Variants in NDUFS4 observed in about 807,000 individuals in gnomAD.
NDUFS4 encodes the protein NADH:ubiquinone oxidoreductase subunit S4.
A neutral mutation model predicts 24.3 loss-of-function variants in NDUFS4; 28 were observed. That is an observed-to-expected ratio of 1.15 (90% CI 0.85 to 1.58). The LOEUF (loss-of-function observed/expected upper bound fraction) is 1.58, where lower values mean the gene tolerates loss of function less well. Ranked by LOEUF, NDUFS4 falls within the 40% of genes most tolerant of loss-of-function variation. The probability of loss-of-function intolerance (pLI) is 0.00; values close to 1 mark genes in which losing one functional copy is unlikely to be tolerated. For missense variants in NDUFS4, 223 were observed against 207.9 expected, an observed-to-expected ratio of 1.07 and a Z score of -0.45; for synonymous variants, 93 against 69.7, an observed-to-expected ratio of 1.34 and a Z score of -1.67.
At chr5:53,579,071 T>C (rs1749474452) in intron 1 of NDUFS4, among the ~76,000 whole-genome samples, 1 of 152,206 alleles carries the variant, frequency 6.6e-6, no homozygotes, top group African/African-American at 2.4e-5. Flanking sequence ...AATATTTTCT[T>C]CTCAGTCCTT....
chr5:53,610,309 C>A (rs1284531483), intron 2 of NDUFS4, among the ~76,000 whole-genome samples: 1 of 152,076 alleles, frequency 6.6e-6, no homozygotes, highest in Non-Finnish European at 1.5e-5. Flanking sequence ...ACACACACAA[C>A]CTTTATTAAT....
chr5:53,669,173 A>T (rs1038090012), intron 4 of NDUFS4, among the ~76,000 whole-genome samples: 1 of 152,176 alleles, frequency 6.6e-6, no homozygotes, highest in Admixed American at 6.5e-5. Context: ...ACTGTTACGT[A>T]TACTGCCTCA....
At chr5:53,620,514 A>G (rs996143362) in intron 2 of NDUFS4, among the ~76,000 whole-genome samples, 1 of 152,192 alleles carries the variant, frequency 6.6e-6, no homozygotes, top group Non-Finnish European at 1.5e-5. Context: ...ATACTAGGCC[A>G]ATGCATAGCA....
At chr5:53,619,921 G>C (rs1042208591) in intron 2 of NDUFS4, among the ~76,000 whole-genome samples, 1 of 152,080 alleles carries the variant, frequency 6.6e-6, no homozygotes, top group Non-Finnish European at 1.5e-5. Flanking sequence ...TATACGCAAT[G>C]CTAGAATGAA....
At chr5:53,612,140 A>G (rs1750716106) in intron 2 of NDUFS4, among the ~76,000 whole-genome samples, 2 of 152,102 alleles carry the variant, frequency 1.3e-5, no homozygotes, top group South Asian at 4.1e-4. Context: ...TAGTTTAGAC[A>G]TTACATATAT....
At chr5:53,574,574 G>C (rs1341010073) in intron 1 of NDUFS4, among the ~76,000 whole-genome samples, 1 of 152,070 alleles carries the variant, frequency 6.6e-6, no homozygotes, top group Non-Finnish European at 1.5e-5. Flanking sequence ...GGTAATGCTG[G>C]ACTCATAAAA....
chr5:53,580,256 G>A (rs1201680288), intron 1 of NDUFS4, among the ~76,000 whole-genome samples: 3 of 152,008 alleles, frequency 2.0e-5, no homozygotes, highest in Non-Finnish European at 2.9e-5. Context: ...ACTACAAATG[G>A]GTAGAGAATT....
At chr5:53,682,589 A>G (rs1740702680) in intron 4 of NDUFS4, among the ~76,000 whole-genome samples, 1 of 152,098 alleles carries the variant, frequency 6.6e-6, no homozygotes, top group African/African-American at 2.4e-5. Context: ...GTCCAAGTCC[A>G]GGGGATTGAA....
intron 4 of NDUFS4, among the ~76,000 whole-genome samples, chr5:53,663,083 A>G (rs997608002): frequency 1.3e-5 from 2 of 151,998 alleles, no homozygotes; most frequent in Non-Finnish European, 1.5e-5. Context: ...TTATGTACCC[A>G]GTAGTCATTC....
intron 3 of NDUFS4, among the ~76,000 whole-genome samples, chr5:53,648,040 T>C (rs1478459839): frequency 6.6e-6 from 1 of 152,196 alleles, no homozygotes; most frequent in South Asian, 2.1e-4. Flanking sequence ...GTTATAAGAT[T>C]AGTTATAATT....
chr5:53,562,996 G>A (rs1280462993), intron 1 of NDUFS4, among the ~76,000 whole-genome samples: 1 of 152,018 alleles, frequency 6.6e-6, no homozygotes, highest in Non-Finnish European at 1.5e-5. Flanking sequence ...TTGGGAGGCC[G>A]AGGCGGGCAG....
Position 53,567,731 on chromosome 5 carries a change from AC to A in NDUFS4, c.98+6975del, listed in dbSNP as rs1349028640. ...TCTGCTTCCCTTTAGCAGTTTTAGC[AC>A]CCCTTTTTCATTTATTATGGATTTG... On this transcript the variant is annotated intron_variant, in intron 1 of 4. Coordinates refer to ENST00000296684, the MANE Select transcript of NDUFS4 (RefSeq NM_002495.4). Among the ~76,000 whole-genome samples the A allele has an allele frequency of 2.0e-5, 3 of 152,136 alleles. No homozygotes were observed. In the East Asian group the frequency reaches 5.8e-4, roughly 29 times the overall value.
intron 2 of NDUFS4, 148 bp from the exon 3 acceptor site, chr5:53,646,085 A>G (rs1273748546): frequency 3.0e-6 from 2 of 667,776 alleles, no homozygotes; most frequent in Non-Finnish European, 2.6e-6. Context: ...ATTGTAAAGT[A>G]TCAGAATGGT....
intron 4 of NDUFS4, among the ~76,000 whole-genome samples, chr5:53,674,517 TAGAAG>T (rs1000768094): frequency 6.6e-6 from 1 of 152,124 alleles, no homozygotes; most frequent in Non-Finnish European, 1.5e-5. Context: ...CTGTCTTACT[TAGAAG>T]AGATCTAGGG....
chr5:53,575,126 A>G (rs1258525430), intron 1 of NDUFS4, among the ~76,000 whole-genome samples: 1 of 152,174 alleles, frequency 6.6e-6, no homozygotes, highest in African/African-American at 2.4e-5. Context: ...TTCTCTGAGC[A>G]CTTGTTTCTT....
chr5:53,654,529 A>T (rs566161158), intron 3 of NDUFS4, among the ~76,000 whole-genome samples: 1 of 152,020 alleles, frequency 6.6e-6, no homozygotes, highest in East Asian at 1.9e-4. Flanking sequence ...AATATTACAT[A>T]TTTTTTCTCT....
Position 53,615,293 on chromosome 5 carries a change from T to C in NDUFS4, c.177+11763T>C, listed in dbSNP as rs963834793. 3.9e-5 allele frequency among the ~76,000 whole-genome samples: 6 copies of C among 151,988 alleles called. No homozygotes were observed. In the South Asian group the frequency reaches 1.2e-3, roughly 31 times the overall value. On this transcript the variant is annotated intron_variant, in intron 2 of 4. Coordinates refer to ENST00000296684, the MANE Select transcript of NDUFS4 (RefSeq NM_002495.4). ...CTGCCATTTTGTAGTAAGTTCTCAA[T>C]GAAGGTAGGGTGAGAGGAGGTAAAG...
At position 53,599,590 on chromosome 5, in the gene NDUFS4, A is replaced by C. The variant is rs114699882; in HGVS notation, c.99-3862A>C. Among the ~76,000 whole-genome samples the C allele has an allele frequency of 9.3e-3, 1,415 of 152,076 alleles. 24 individuals are homozygous for C. Among genetic ancestry groups the C allele is most frequent in the African/African-American group, 0.032 (1,326 of 41,488 alleles). ...TATTTAGGTGTTTTCCCCATTTCTA[A>C]TTGGGTTGTTTTGTTGCTGTTTGAG... is the stretch of plus-strand genomic sequence containing the variant. On this transcript the variant is annotated intron_variant, in intron 1 of 4. Transcript: ENST00000296684.
chr5:53,598,893 A>G (rs974087186), intron 1 of NDUFS4, among the ~76,000 whole-genome samples: 1 of 152,218 alleles, frequency 6.6e-6, no homozygotes, highest in African/African-American at 2.4e-5. Context: ...AATCACAATC[A>G]CAACCCTCAG....
Sources: gnomAD v4.1 joint callset for allele counts (sites outside exome capture counted in the v4.1 genomes callset) on GRCh38, gnomAD v4.1.1 for gene constraint, MANE v1.5 for transcripts, NCBI Gene and HGNC (gene_info 2026-07-23, HGNC 2026-07-21) for gene names.